ZC2HC1A: variants seen among roughly 807,000 people sequenced by gnomAD.
ZC2HC1A encodes zinc finger C2HC-type containing 1A.
Under a neutral mutation model 40.7 loss-of-function variants are expected in ZC2HC1A, and 28 were observed. The ratio of observed to expected loss-of-function variants is 0.69; its 90% CI spans 0.51 to 0.94. The LOEUF is 0.94. Ranked by LOEUF, ZC2HC1A falls within the 40% of genes least tolerant of loss-of-function variation. ZC2HC1A has a pLI of 0.00. For missense variants in ZC2HC1A, 389 were observed against 386.3 expected, an observed-to-expected ratio of 1.01 and a Z score of -0.06; for synonymous variants, 129 against 129.2, an observed-to-expected ratio of 1.00 and a Z score of 0.01.
intron 7 of ZC2HC1A, among the ~76,000 whole-genome samples, chr8:78,699,080 A>G (rs180690842): frequency 3.7e-4 from 57 of 152,286 alleles, no homozygotes; most frequent in African/African-American, 1.3e-3. Flanking sequence ...AAATCTATAA[A>G]GGGATATTTT....
chr8:78,701,368 GC>G (rs1462927409), intron 7 of ZC2HC1A, among the ~76,000 whole-genome samples: 3 of 152,148 alleles, frequency 2.0e-5, no homozygotes, highest in Non-Finnish European at 4.4e-5. Flanking sequence ...TGCTAAAGTT[GC>G]TTATCAGGTT....
rs192546495 is a variant in ZC2HC1A at position 78,675,866 on chromosome 8, G to A, written c.93+3G>A. The A allele has an allele frequency of 4.4e-5, 70 of 1,607,992 alleles. No homozygotes were observed. In the African/African-American group the frequency reaches 6.8e-4, roughly 16 times the overall value. ...GAACATTCTTTCCAGTAGCATTAGT[G>A]AGTAGACTGATTTTGTACCTTTATG... On this transcript the variant is annotated splice_donor_region_variant and intron_variant, in intron 2 of 8. Transcript: ENST00000263849.
chr8:78,696,195 C>T (rs925756180), intron 5 of ZC2HC1A, among the ~76,000 whole-genome samples: 5 of 152,058 alleles, frequency 3.3e-5, no homozygotes, highest in Admixed American at 1.3e-4. Context: ...CTACCACGCC[C>T]GGCTAATTTT....
intron 7 of ZC2HC1A, among the ~76,000 whole-genome samples, chr8:78,700,739 A>G (rs1336774412): frequency 6.6e-6 from 1 of 152,210 alleles, no homozygotes; most frequent in Non-Finnish European, 1.5e-5. Flanking sequence ...CAATTATCCC[A>G]GCACCTTTTA....
In ZC2HC1A at chr8:78,687,490, A is replaced by G. The variant is rs879930300; in HGVS notation, c.352+882A>G. Among the ~76,000 whole-genome samples, 1,023 of 144,954 alleles carry G rather than the reference A, an allele frequency of 7.1e-3. 7 individuals carry two copies. The highest frequency in any genetic ancestry group is 8.7e-3 in the Non-Finnish European group (578 of 66,470). Reference sequence around the variant, plus strand: ...TATATATATTTATATATAATTATATATGTTTATATAATAAATTATATATAT... The same window carrying G: ...TATATATATTTATATATAATTATATGTGTTTATATAATAAATTATATATAT... On this transcript the variant is annotated intron_variant, in intron 4 of 8. Coordinates refer to ENST00000263849, the MANE Select transcript of ZC2HC1A (RefSeq NM_016010.3).
chr8:78,714,512 C>T (rs1811039018), intron 7 of ZC2HC1A, among the ~76,000 whole-genome samples: 1 of 152,070 alleles, frequency 6.6e-6, no homozygotes, highest in Admixed American at 6.5e-5. Flanking sequence ...CTTGCTGTCA[C>T]AAAGCTGTCA....
At chr8:78,704,345 G>A (rs111719074) in intron 7 of ZC2HC1A, among the ~76,000 whole-genome samples, 5,401 of 145,200 alleles carry the variant, frequency 0.037, 305 homozygotes, top group African/African-American at 0.13. Context: ...CCGAGATTGC[G>A]CCATTGTACT....
At chr8:78,701,916 G>C (rs970609068) in intron 7 of ZC2HC1A, among the ~76,000 whole-genome samples, 6 of 151,884 alleles carry the variant, frequency 4.0e-5, no homozygotes, top group African/African-American at 1.4e-4. Flanking sequence ...GTTTATCAAG[G>C]TTATTGGCCT....
intron 7 of ZC2HC1A, among the ~76,000 whole-genome samples, chr8:78,707,612 A>G (rs1216112153): frequency 6.6e-6 from 1 of 152,228 alleles, no homozygotes; most frequent in East Asian, 1.9e-4. Context: ...TGCCATGAAG[A>G]ATACATATTT....
intron 4 of ZC2HC1A, among the ~76,000 whole-genome samples, 188 bp from the exon 5 acceptor site, chr8:78,689,034 C>CT (rs5892662): frequency 0.68 from 99,495 of 146,108 alleles, 34,309 homozygotes; most frequent in East Asian, 0.9. Flanking sequence ...TACCAGCAGA[C>CT]TTTTTTTTTT....
rs904815882 is a variant in ZC2HC1A, at chr8:78,718,019, A to G, written c.*526A>G. The G allele has an allele frequency of 1.3e-5, 2 of 152,090 alleles. No homozygotes were observed. The highest frequency in any genetic ancestry group is 4.8e-5 in the African/African-American group (2 of 41,456). 9.4% of individuals were successfully genotyped at this position (152,090 alleles called of 1,614,324 possible). Reference sequence around the variant, plus strand: ...GGTCACTCCTGTAGAGCATGTCAACAAATTATTTCATAAATCCGAAAAACT... The same window carrying G: ...GGTCACTCCTGTAGAGCATGTCAACGAATTATTTCATAAATCCGAAAAACT... On this transcript the variant is annotated 3_prime_UTR_variant, in exon 9 of 9. Coordinates refer to ENST00000263849, the MANE Select transcript of ZC2HC1A (RefSeq NM_016010.3).
At chr8:78,694,730 T>G (rs1810342681) in intron 5 of ZC2HC1A, among the ~76,000 whole-genome samples, 1 of 152,212 alleles carries the variant, frequency 6.6e-6, no homozygotes. Context: ...TTTAGACTTT[T>G]TCCAATTTCA....
Position 78,666,133 on chromosome 8 carries a change from T to A in ZC2HC1A, c.-16T>A. ...CGCTGCTGAAGGAGTCTCGCTGAGC[T>A]CGAGGAGGTGGCGCGATGGAGGGAC... On this transcript the variant is annotated 5_prime_UTR_variant, in exon 1 of 9. Transcript: ENST00000263849. The A allele has an allele frequency of 6.4e-7, 1 of 1,567,960 alleles. No individual in the cohort carries two copies. The highest frequency in any genetic ancestry group is 2.3e-5 in the East Asian group (1 of 42,812).
intron 2 of ZC2HC1A, among the ~76,000 whole-genome samples, chr8:78,676,560 G>A (rs562264496): frequency 4.6e-5 from 7 of 151,994 alleles, no homozygotes; most frequent in Admixed American, 1.3e-4. Flanking sequence ...TTTAATGTAA[G>A]ACAGAATTTT....
rs569259944 is a variant in ZC2HC1A, at chr8:78,679,268, C to A, written c.210+589C>A. 2.0e-5 allele frequency: 3 copies of A among 152,214 alleles called. No homozygotes were observed. The East Asian group carries it at 5.8e-4, about 29-fold the overall frequency. 9.4% of individuals were successfully genotyped at this position (152,214 alleles called of 1,614,324 possible). A position where few individuals can be genotyped will look rare whatever the true frequency, so the allele number is the denominator to read the frequency against. On this transcript the variant is annotated intron_variant, in intron 3 of 8. Transcript: ENST00000263849. ...TATTGTGATAATCTCTCCTTAATAT[C>A]TGTTATATATTATAGTAATCCCTTG... is the stretch of plus-strand genomic sequence containing the variant.
intron 5 of ZC2HC1A, among the ~76,000 whole-genome samples, chr8:78,697,040 T>C (rs1810443893): frequency 6.6e-6 from 1 of 152,220 alleles, no homozygotes; most frequent in Non-Finnish European, 1.5e-5. Context: ...AGAGGGAGTC[T>C]AGTTTGGAAA....
At chr8:78,689,116 A>T in intron 4 of ZC2HC1A, 106 bp from the exon 5 acceptor site, 1 of 789,202 alleles carries the variant, frequency 1.3e-6, no homozygotes, top group Non-Finnish European at 1.8e-6. Flanking sequence ...TGCTTATCAG[A>T]TGTTATTACT....
chr8:78,701,708 T>G (rs986971181), intron 7 of ZC2HC1A, among the ~76,000 whole-genome samples: 1 of 152,214 alleles, frequency 6.6e-6, no homozygotes, highest in African/African-American at 2.4e-5. Flanking sequence ...TGAAGGGATG[T>G]TGAATTTTAT....
At chr8:78,709,719 T>TAAAA (rs762270772) in intron 7 of ZC2HC1A, among the ~76,000 whole-genome samples, 1 of 130,464 alleles carries the variant, frequency 7.7e-6, no homozygotes, top group African/African-American at 2.8e-5. Context: ...GCTGATGAAC[T>TAAAA]AAAAAAAAAA....
Sources: allele counts gnomAD v4.1 joint callset (sites outside exome capture counted in the v4.1 genomes callset), GRCh38; gene constraint gnomAD v4.1.1; transcripts MANE v1.5; gene names NCBI Gene and HGNC (gene_info 2026-07-23, HGNC 2026-07-21).